Variants in CPNE3 observed in about 807,000 individuals in gnomAD.
CPNE3 encodes copine 3.
A neutral mutation model predicts 63.9 loss-of-function variants in CPNE3; 68 were observed. The ratio of observed to expected loss-of-function variants is 1.06; its 90% confidence interval spans 0.87 to 1.30. CPNE3 has a LOEUF of 1.30. Among genes scored for constraint, CPNE3 ranks in the 50% most tolerant of loss-of-function variants. The pLI, the probability that CPNE3 is intolerant of heterozygous loss-of-function variation, is 0.00. For missense variants in CPNE3, 665 were observed against 578.1 expected, an observed-to-expected ratio of 1.15 and a Z score of -1.54; for synonymous variants, 219 against 197.5, an observed-to-expected ratio of 1.11 and a Z score of -0.91.
intron 2 of CPNE3, among the ~76,000 whole-genome samples, chr8:86,518,051 T>G (rs1053551741): frequency 5.9e-5 from 9 of 152,190 alleles, no homozygotes; most frequent in African/African-American, 2.2e-4. Context: ...TTTTAAACCT[T>G]GAGAACCACA....
At position 86,531,457 on chromosome 8, in the gene CPNE3, G is replaced by C. The variant is rs368141596; in HGVS notation, c.387+228G>C. Among the ~76,000 whole-genome samples, 10 of 152,206 alleles carry C rather than the reference G, an allele frequency of 6.6e-5. 1 individual carries two copies. Among genetic ancestry groups the C allele is most frequent in the East Asian group, 5.8e-4 (3 of 5,174 alleles). On this transcript the variant is annotated intron_variant, in intron 5 of 16. Coordinates refer to ENST00000517490, the MANE Select transcript of CPNE3 (RefSeq NM_003909.5). Reference sequence around the variant, plus strand: ...TTCTTTCAGTTTTTCTAAGTTGCCCGTAGAGGTCAAGTGCACCTTTAGCGA... The same window carrying C: ...TTCTTTCAGTTTTTCTAAGTTGCCCCTAGAGGTCAAGTGCACCTTTAGCGA...
At position 86,522,548 on chromosome 8, in the gene CPNE3, C is replaced by CTTTTTTTTTTTTTT. The variant is rs36073581; in HGVS notation, c.-10-5972_-10-5959dup. Among the ~76,000 whole-genome samples, 29 of 82,180 alleles carry CTTTTTTTTTTTTTT rather than the reference C, an allele frequency of 3.5e-4. 4 individuals carry two copies. Among genetic ancestry groups the CTTTTTTTTTTTTTT allele is most frequent in the Non-Finnish European group, 5.2e-4 (24 of 46,556 alleles). The allele number at this position is 82,180 out of a possible 152,430, so 53.9% of individuals were successfully genotyped here. A position where few individuals can be genotyped will look rare whatever the true frequency, so the allele number is the denominator to read the frequency against. Reference sequence around the variant, plus strand: ...CAGCCATATTACCTGACGCCCGCTGCTTTTTTTTTTTTTTTTTTTTTTTTT... The same window carrying CTTTTTTTTTTTTTT: ...CAGCCATATTACCTGACGCCCGCTGCTTTTTTTTTTTTTTTTTTTTTTTTTTTTTTTTTTTTTTT... On this transcript the variant is annotated intron_variant, in intron 2 of 16. Transcript: ENST00000517490.
At chr8:86,531,290 C>T in intron 5 of CPNE3, 61 bp downstream of exon 5, 1 of 809,152 alleles carries the variant, frequency 1.2e-6, no homozygotes, top group African/African-American at 1.7e-5. Flanking sequence ...CATGCCGAAA[C>T]TGTCCATATC....
Position 86,550,559 on chromosome 8 carries a change from G to A in CPNE3, c.1014-487G>A, listed in dbSNP as rs141128545. ...TGTGGGATACTCAGTGGCTATTCAT[G>A]TGATGTTATATATTCGGTCCACTGT... On this transcript the variant is annotated intron_variant, in intron 12 of 16. Transcript: ENST00000517490. Among the ~76,000 whole-genome samples the A allele has an allele frequency of 1.8e-3, 271 of 152,274 alleles. 1 individual carries two copies. The highest frequency in any genetic ancestry group is 6.1e-3 in the African/African-American group (254 of 41,548).
At chr8:86,532,167 T>G (rs1208499005) in intron 5 of CPNE3, among the ~76,000 whole-genome samples, 1 of 152,242 alleles carries the variant, frequency 6.6e-6, no homozygotes, top group African/African-American at 2.4e-5. Context: ...GATTTATTCA[T>G]GCTTCTCAGT....
chr8:86,544,977 A>C (rs1821016588), intron 9 of CPNE3, 139 bp downstream of exon 9: 2 of 416,772 alleles, frequency 4.8e-6, no homozygotes, highest in East Asian at 7.5e-5. Context: ...ATGTTTAGTA[A>C]TCACATAATC....
intron 5 of CPNE3, 55 bp from the exon 6 acceptor site, chr8:86,532,454 T>A: frequency 7.6e-7 from 1 of 1,311,400 alleles, no homozygotes; most frequent in Non-Finnish European, 1.1e-6. Flanking sequence ...AGTGCTTAAG[T>A]GTCTATCAGA....
intron 12 of CPNE3, 21 bp from the exon 13 acceptor site, chr8:86,551,025 T>G: frequency 6.5e-7 from 1 of 1,541,576 alleles, no homozygotes; most frequent in South Asian, 1.2e-5. Context: ...AGTATTTTAT[T>G]AAATATTTTT....
At position 86,540,184 on chromosome 8, in the gene CPNE3, G is replaced by A. The variant is rs1257000612; in HGVS notation, c.544-61G>A. ...TATAGCAAGAACCTAGGAAGGGCAG[G>A]AGCAAAATGTTAATGAACTGGAAGT... is the stretch of plus-strand genomic sequence containing the variant. On this transcript the variant is annotated intron_variant, in intron 7 of 16. Transcript: ENST00000517490. 9.0e-5 allele frequency: 88 copies of A among 979,444 alleles called. No individual in the cohort carries two copies. In the East Asian group the frequency reaches 2.1e-3, roughly 24 times the overall value. The allele number at this position is 979,444 out of a possible 1,614,324, so 60.7% of individuals were successfully genotyped here.
intron 3 of CPNE3, 83 bp downstream of exon 3, chr8:86,528,760 A>G: frequency 6.8e-7 from 1 of 1,473,842 alleles, no homozygotes; most frequent in Non-Finnish European, 9.1e-7. Context: ...TAAAAATAAC[A>G]ACACTATCTC....
intron 8 of CPNE3, among the ~76,000 whole-genome samples, chr8:86,543,813 A>G (rs1563695423): frequency 6.6e-6 from 1 of 152,152 alleles, no homozygotes; most frequent in East Asian, 1.9e-4. Context: ...CTGTTTTGAG[A>G]TAAAATACTA....
intron 15 of CPNE3, 133 bp downstream of exon 15, chr8:86,555,117 G>A: frequency 1.5e-6 from 2 of 1,307,452 alleles, no homozygotes; most frequent in South Asian, 1.6e-5. Flanking sequence ...TCTTGGTTTG[G>A]GAGTAACTTT....
Position 86,553,483 on chromosome 8 carries a change from A to T in CPNE3, c.1121-1368A>T, listed in dbSNP as rs139971187. Among the ~76,000 whole-genome samples the T allele has an allele frequency of 5.7e-3, 872 of 152,302 alleles. 6 individuals carry two copies. The highest frequency in any genetic ancestry group is 0.02 in the African/African-American group (812 of 41,568). ...TTATTTTTACTGTAAAGACATAGAA[A>T]AGGTACAGTTGCTATAATTGCCTAC... On this transcript the variant is annotated intron_variant, in intron 14 of 16. Transcript: ENST00000517490.
intron 6 of CPNE3, among the ~76,000 whole-genome samples, chr8:86,533,975 T>C (rs985856561): frequency 3.9e-5 from 6 of 152,140 alleles, no homozygotes; most frequent in African/African-American, 1.4e-4. Flanking sequence ...GTTTCCACGT[T>C]CAAGTTGGGC....
At chr8:86,539,720 T>A (rs1275313958) in intron 7 of CPNE3, among the ~76,000 whole-genome samples, 1 of 139,478 alleles carries the variant, frequency 7.2e-6, no homozygotes, top group East Asian at 2.2e-4. Flanking sequence ...TGGAATGCAG[T>A]GGCACGATCT....
intron 2 of CPNE3, among the ~76,000 whole-genome samples, chr8:86,520,274 G>A (rs1035918344): frequency 2.6e-5 from 4 of 152,192 alleles, no homozygotes; most frequent in Non-Finnish European, 4.4e-5. Flanking sequence ...GCTGGGCGCA[G>A]TGGCTCACGC....
At chr8:86,520,079 C>A (rs1459615338) in intron 2 of CPNE3, among the ~76,000 whole-genome samples, 1 of 145,560 alleles carries the variant, frequency 6.9e-6, no homozygotes, top group Admixed American at 6.8e-5. Context: ...TCTTCCATTT[C>A]TCCTTTTTGT....
intron 3 of CPNE3, 129 bp downstream of exon 3, chr8:86,528,806 T>G: frequency 7.3e-7 from 1 of 1,360,568 alleles, no homozygotes; most frequent in South Asian, 1.5e-5. Context: ...AGTTTGTCCT[T>G]GATTGTAGAA....
chr8:86,528,582 G>A lies in CPNE3; in HGVS notation c.37G>A (p.Val13Ile), dbSNP rs1400654103. ...GTGTGTCACAAAGGTGGCGCTGAATGTTTCCTGTGCCAATCTTTTGGATAA... is the reference window on the plus strand; with the variant it reads ...GTGTGTCACAAAGGTGGCGCTGAATATTTCCTGTGCCAATCTTTTGGATAA... The part of the protein sequence containing the change: ...AQCVTKVALN[V>I]SCANLLDKDI... Residue 13 changes from valine (V) to isoleucine (I), a missense_variant, in exon 3 of 17, where the codon GTT (valine) becomes ATT (isoleucine). Transcript: ENST00000517490. 3 of 1,613,870 alleles carry A rather than the reference G, an allele frequency of 1.9e-6. No homozygotes were observed. The highest frequency in any genetic ancestry group is 2.5e-6 in the Non-Finnish European group (3 of 1,179,974).
Sources: gnomAD v4.1 joint callset for allele counts (sites outside exome capture counted in the v4.1 genomes callset) on GRCh38, gnomAD v4.1.1 for gene constraint, MANE v1.5 for transcripts, NCBI Gene and HGNC (gene_info 2026-07-23, HGNC 2026-07-21) for gene names.